The following SH3GL1 variants were observed in gnomAD, a reference collection of about 807,000 sequenced individuals.
SH3GL1 encodes the protein endophilin-A2.
A neutral mutation model predicts 48.8 loss-of-function variants in SH3GL1; 21 were observed. The observed-to-expected ratio is 0.43, with a 90% CI of 0.30 to 0.62. The LOEUF (loss-of-function observed/expected upper bound fraction) is 0.62, where lower values mean the gene tolerates loss of function less well. Among genes scored for constraint, SH3GL1 ranks in the 20% least tolerant of loss-of-function variants. The pLI is 0.11. For missense variants in SH3GL1, 454 were observed against 503.0 expected (o/e 0.90, Z 0.93); for synonymous variants, 282 against 217.5 (o/e 1.30, Z -2.61).
intron 1 of SH3GL1, among the ~76,000 whole-genome samples, chr19:4,377,700 T>G (rs1973037468): frequency 6.6e-6 from 1 of 152,202 alleles, no homozygotes; most frequent in Admixed American, 6.5e-5. Context: ...TCACGTGCAC[T>G]GGCTCTGGCG....
intron 1 of SH3GL1, among the ~76,000 whole-genome samples, chr19:4,395,274 G>A (rs542720653): frequency 2.0e-5 from 3 of 152,290 alleles, no homozygotes; most frequent in Non-Finnish European, 4.4e-5. Flanking sequence ...AAGGTTCCTC[G>A]TGATCAGCTG....
chr19:4,370,073 C>A (rs905508471), intron 1 of SH3GL1, among the ~76,000 whole-genome samples: 1 of 152,230 alleles, frequency 6.6e-6, no homozygotes, highest in South Asian at 2.1e-4. Flanking sequence ...CGAGAGTCTG[C>A]GGCAGAGCTG....
chr19:4,369,536 A>G (rs1337389075), intron 1 of SH3GL1, among the ~76,000 whole-genome samples: 3 of 151,960 alleles, frequency 2.0e-5, no homozygotes, highest in Non-Finnish European at 4.4e-5. Context: ...GCAGGAGGAG[A>G]GGCCCTACCG....
At chr19:4,381,091 TCTCTGTCCCCTTTGC>T (rs1364219517) in intron 1 of SH3GL1, among the ~76,000 whole-genome samples, 2 of 88,864 alleles carry the variant, frequency 2.3e-5, no homozygotes, top group Non-Finnish European at 4.1e-5. Context: ...CTGTCCCCTC[TCTCTGTCCCCTTTGC>T]CTCTGTCCCC....
At chr19:4,363,162 G>A (rs377420106) in intron 7 of SH3GL1, among the ~76,000 whole-genome samples, 2 of 152,158 alleles carry the variant, frequency 1.3e-5, no homozygotes, top group Admixed American at 6.5e-5. Flanking sequence ...GGCCTGCATC[G>A]GGGCAGGGCT....
intron 1 of SH3GL1, among the ~76,000 whole-genome samples, chr19:4,374,737 TGGCCCCTG>T (rs984695306): frequency 4.6e-5 from 7 of 152,318 alleles, no homozygotes; most frequent in Middle Eastern, 3.4e-3. Context: ...GGCTCTGGCC[TGGCCCCTG>T]GGCCCCTGAG....
chr19:4,397,602 T>C (rs1973448108), intron 1 of SH3GL1, among the ~76,000 whole-genome samples: 3 of 152,222 alleles, frequency 2.0e-5, no homozygotes, highest in African/African-American at 7.2e-5. Context: ...ACATCTTTCC[T>C]GCTAGGGAGC....
chr19:4,388,073 C>G (rs1973269276), intron 1 of SH3GL1, among the ~76,000 whole-genome samples: 1 of 151,888 alleles, frequency 6.6e-6, no homozygotes, highest in Non-Finnish European at 1.5e-5. Context: ...GTTGGCCAGT[C>G]TAGTCTCAAA....
chr19:4,362,981 T>C (rs768066731), intron 7 of SH3GL1, among the ~76,000 whole-genome samples: 34 of 152,098 alleles, frequency 2.2e-4, no homozygotes, highest in Non-Finnish European at 2.4e-4. Context: ...CCACAGCATC[T>C]ACCTACAACA....
At chr19:4,386,202 T>C (rs1388208813) in intron 1 of SH3GL1, among the ~76,000 whole-genome samples, 1 of 152,298 alleles carries the variant, frequency 6.6e-6, no homozygotes, top group South Asian at 2.1e-4. Context: ...GTGAGGCTGT[T>C]AGGCTGATGG....
intron 1 of SH3GL1, among the ~76,000 whole-genome samples, chr19:4,398,252 C>G (rs1167843132): frequency 6.6e-6 from 1 of 152,298 alleles, no homozygotes; most frequent in East Asian, 1.9e-4. Flanking sequence ...GCAGAGAACC[C>G]TGTTTGCCAC....
chr19:4,365,222 A>C (rs1972747647), intron 4 of SH3GL1, among the ~76,000 whole-genome samples: 1 of 152,150 alleles, frequency 6.6e-6, no homozygotes, highest in African/African-American at 2.4e-5. Context: ...GGAAGGACAG[A>C]TGCTGGGGGG....
At chr19:4,391,084 C>T (rs1245082006) in intron 1 of SH3GL1, among the ~76,000 whole-genome samples, 6 of 152,276 alleles carry the variant, frequency 3.9e-5, no homozygotes, top group South Asian at 2.1e-4. Context: ...CTGAGCGGGA[C>T]GGGCCTCAAC....
At position 4,362,357 on chromosome 19, in the gene SH3GL1, C is replaced by T. The variant is rs1162545873; in HGVS notation, c.882G>A (p.Lys294=). 4 of 1,612,336 alleles carry T rather than the reference C, an allele frequency of 2.5e-6. No individual in the cohort carries two copies. The highest frequency in any genetic ancestry group is 3.4e-6 in the Non-Finnish European group (4 of 1,179,166). Residue 294 remains lysine, a synonymous_variant, in exon 9 of 10, where the codon AAG becomes AAA. Transcript: ENST00000269886. ...TGCTCCGGCTAGGGGTCCGGATGGG[C>T]TTGTCGGAAGATCGGAAAGACGATG... is the stretch of plus-strand genomic sequence containing the variant. The part of the protein sequence containing the change: ...AASSSFRSSD[K]PIRTPSRSMP...
intron 1 of SH3GL1, among the ~76,000 whole-genome samples, chr19:4,394,662 A>G (rs1020929960): frequency 1.3e-5 from 2 of 152,180 alleles, no homozygotes; most frequent in East Asian, 3.8e-4. Flanking sequence ...CAGAACCAAC[A>G]ACACAGCCTC....
At chr19:4,379,918 T>TC (rs767352728) in intron 1 of SH3GL1, among the ~76,000 whole-genome samples, 184 of 152,336 alleles carry the variant, frequency 1.2e-3, no homozygotes, top group Non-Finnish European at 2.1e-3. Context: ...TGCTGCCACT[T>TC]CCTGAGCTAC....
intron 7 of SH3GL1, among the ~76,000 whole-genome samples, chr19:4,363,151 G>A (rs1972671226): frequency 6.6e-6 from 1 of 152,188 alleles, no homozygotes; most frequent in African/African-American, 2.4e-5. Context: ...GGAGTCCCCG[G>A]GGCCTGCATC....
rs780889373 is a variant in SH3GL1 at position 4,369,978 on chromosome 19, G to A, written c.46-2984C>T. On this transcript the variant is annotated intron_variant, in intron 1 of 9. Coordinates refer to ENST00000269886, the MANE Select transcript of SH3GL1 (RefSeq NM_003025.4). ...GCCACGTGCAGCGCCGGCCGCAAGC[G>A]CGGAAACCAAGCGTGGGCTCCTGCC... is the stretch of plus-strand genomic sequence containing the variant. Among the ~76,000 whole-genome samples the A allele has an allele frequency of 2.6e-5, 4 of 152,260 alleles. No homozygotes were observed. In the East Asian group the frequency reaches 5.8e-4, roughly 22 times the overall value.
chr19:4,362,306 G>A (rs376859882), intron 9 of SH3GL1, 23 bp downstream of exon 9: 33 of 1,607,972 alleles, frequency 2.1e-5, no homozygotes, highest in Non-Finnish European at 2.5e-5. Flanking sequence ...CACTGAGGTC[G>A]AGGCGGGCCT....
Sources: allele counts gnomAD v4.1 joint callset (sites outside exome capture counted in the v4.1 genomes callset), GRCh38; gene constraint gnomAD v4.1.1; transcripts MANE v1.5; gene names NCBI Gene and HGNC (gene_info 2026-07-23, HGNC 2026-07-21).